Variants in SYTL2 observed in about 807,000 individuals in gnomAD.
The protein encoded by SYTL2 is synaptotagmin like 2, also known as synaptotagmin-like protein 2.
A neutral mutation model predicts 198.7 loss-of-function variants in SYTL2; 165 were observed. That is an observed-to-expected ratio of 0.83 (90% CI 0.73 to 0.94). The LOEUF (loss-of-function observed/expected upper bound fraction) is 0.94. SYTL2 is among the 40% of genes least tolerant of loss of function. SYTL2 has a pLI of 0.00. For missense variants in SYTL2, 2,835 were observed against 2,582.8 expected (o/e 1.10, Z -2.12); for synonymous variants, 966 against 917.7 (o/e 1.05, Z -0.95).
At chr11:85,784,860 G>GA (rs372752941) in intron 1 of SYTL2, among the ~76,000 whole-genome samples, 63 of 150,780 alleles carry the variant, frequency 4.2e-4, no homozygotes, top group Non-Finnish European at 6.5e-4. Flanking sequence ...AAGGGGTAAA[G>GA]AAAAAAAAAT....
chr11:85,851,126 T>C, the SYTL2 span, among the ~76,000 whole-genome samples: 1 of 151,872 alleles, frequency 6.6e-6, no homozygotes, highest in Non-Finnish European at 1.5e-5. Context: ...TGTATACATA[T>C]GTATCTAACC....
At chr11:85,703,873 T>C (rs1330487633) in intron 16 of SYTL2, among the ~76,000 whole-genome samples, 3 of 152,168 alleles carry the variant, frequency 2.0e-5, no homozygotes, top group Non-Finnish European at 4.4e-5. Context: ...TTCTAATTTA[T>C]ATTACAGTTT....
At chr11:85,776,858 G>A (rs142349747) in intron 1 of SYTL2, among the ~76,000 whole-genome samples, 6 of 152,238 alleles carry the variant, frequency 3.9e-5, no homozygotes, top group East Asian at 1.9e-4. Flanking sequence ...ACCCAGCTTC[G>A]GGTATTTCTT....
In SYTL2 at chr11:85,727,985, T is replaced by C. The variant is rs2089404548; in HGVS notation, c.1391-18A>G. The C allele has an allele frequency of 1.9e-6, 3 of 1,547,096 alleles. No individual in the cohort carries two copies. The highest frequency in any genetic ancestry group is 2.6e-6 in the Non-Finnish European group (3 of 1,148,758). The stretch of plus-strand genomic sequence containing the variant: ...CAGTTCATCTGCAACATAGAAATAC[T>C]TTTCTAAATAAGAAAAGAGCATGCT... On this transcript the variant is annotated intron_variant, in intron 7 of 19. Transcript: ENST00000359152.
the SYTL2 span, among the ~76,000 whole-genome samples, chr11:85,851,812 T>C: frequency 6.6e-6 from 1 of 152,238 alleles, no homozygotes; most frequent in Non-Finnish European, 1.5e-5. Flanking sequence ...CTAAAAAATC[T>C]CCATGCTTTA....
Position 85,744,035 on chromosome 11 carries a change from G to C in SYTL2, c.389+1602C>G, listed in dbSNP as rs183836305. On this transcript the variant is annotated intron_variant, in intron 4 of 19. Coordinates refer to ENST00000359152, the MANE Select transcript of SYTL2 (RefSeq NM_206927.4). The stretch of plus-strand genomic sequence containing the variant: ...TTTCTTTAACATGACAATATTTTAG[G>C]TCTCATCTTTCTTTATGAAGGAAGG... 2.6e-5 allele frequency among the ~76,000 whole-genome samples: 4 copies of C among 152,142 alleles called. No homozygotes were observed. The East Asian group carries it at 5.8e-4, about 22-fold the overall frequency.
At chr11:85,833,772 C>A in the SYTL2 span, among the ~76,000 whole-genome samples, 7 of 141,304 alleles carry the variant, frequency 5.0e-5, no homozygotes, top group East Asian at 1.4e-3. Context: ...ACTCCGTCAT[C>A]CAGGCTGTAG....
chr11:85,783,292 A>G (rs1475440515), intron 1 of SYTL2, among the ~76,000 whole-genome samples: 3 of 152,186 alleles, frequency 2.0e-5, no homozygotes, highest in African/African-American at 7.2e-5. Context: ...AAGCCATCAG[A>G]TCTCGTGAGA....
chr11:85,825,149 G>A, the SYTL2 span, among the ~76,000 whole-genome samples: 1 of 152,120 alleles, frequency 6.6e-6, no homozygotes, highest in Non-Finnish European at 1.5e-5. Context: ...CATGAGTTGG[G>A]AGGCCGAGGC....
chr11:85,726,482 A>G lies in SYTL2; in HGVS notation c.2876T>C (p.Phe959Ser). The change falls in exon 8 of 20, where the codon TTT becomes TCT. Residue 959 changes from phenylalanine (F) to serine (S), a missense_variant. Phe to Ser is a radical substitution (Grantham distance 155). Coordinates refer to ENST00000359152, the MANE Select transcript of SYTL2 (RefSeq NM_206927.4). ...TCTTTCTTTTAGGGACATAACTTTA[A>G]AGTTGGCATTTGATTCACGAACTAG... ...RPLVRESNAN[F>S]KVMSLKERMD... 6.2e-7 allele frequency: 1 copy of G among 1,610,830 alleles called. No homozygotes were observed.
At chr11:85,733,601 T>TTTTC (rs1289369462) in intron 7 of SYTL2, 1 of 129,086 alleles carries the variant, frequency 7.7e-6, no homozygotes, top group Non-Finnish European at 1.7e-5. Flanking sequence ...TTTGTTTTTT[T>TTTTC]TTTTTTTTTG....
At chr11:85,704,552 A>T (rs984388110) in intron 16 of SYTL2, among the ~76,000 whole-genome samples, 1 of 152,196 alleles carries the variant, frequency 6.6e-6, no homozygotes, top group Non-Finnish European at 1.5e-5. Flanking sequence ...ATCATTGAAT[A>T]CACTTTGGTC....
At position 85,725,133 on chromosome 11, in the gene SYTL2, T is replaced by A; in HGVS notation, c.4225A>T (p.Ser1409Cys). 4 of 1,614,156 alleles carry A rather than the reference T, an allele frequency of 2.5e-6. No individual in the cohort carries two copies. The highest frequency in any genetic ancestry group is 3.3e-4 in the Middle Eastern group (2 of 6,062). The part of the protein sequence containing the change: ...EFPEAVQPVC[S>C]PLNPPGVISP... Reference sequence around the variant, plus strand: ...ATCACTCCTGGAGGATTTAGGGGGCTACATACTGGCTGTACTGCTTCAGGA... The same window carrying A: ...ATCACTCCTGGAGGATTTAGGGGGCAACATACTGGCTGTACTGCTTCAGGA... The change falls in exon 8 of 20, where the codon AGC becomes TGC. Residue 1409 changes from serine (S) to cysteine (C), a missense_variant. By Grantham distance (112) the Ser-to-Cys change is moderately radical (BLOSUM62 -1). This residue lies in a region of SYTL2 where 2,645 missense variants were observed against 2,381.7 expected (regional missense o/e 1.11). Transcript: ENST00000359152.
intron 1 of SYTL2, among the ~76,000 whole-genome samples, chr11:85,769,509 C>T (rs566674327): frequency 1.3e-5 from 2 of 152,304 alleles, no homozygotes; most frequent in Admixed American, 1.3e-4. Flanking sequence ...TGATTTTAGC[C>T]TGTAAGATCC....
At chr11:85,779,947 T>C (rs936066389) in intron 1 of SYTL2, among the ~76,000 whole-genome samples, 3 of 152,216 alleles carry the variant, frequency 2.0e-5, no homozygotes, top group Admixed American at 1.3e-4. Context: ...TCTTGCTATG[T>C]GATGCTGGGC....
At chr11:85,844,503 C>T in the SYTL2 span, among the ~76,000 whole-genome samples, 1 of 152,160 alleles carries the variant, frequency 6.6e-6, no homozygotes, top group Non-Finnish European at 1.5e-5. Flanking sequence ...GGTAGTGTTA[C>T]TCCACATATT....
the SYTL2 span, among the ~76,000 whole-genome samples, chr11:85,824,290 T>C: frequency 6.6e-6 from 1 of 152,026 alleles, no homozygotes; most frequent in African/African-American, 2.4e-5. Flanking sequence ...CACGGCAAAC[T>C]TGGGTTTGTG....
rs1477024606 is a variant in SYTL2, at chr11:85,795,358, T to C, written c.-390+15596A>G. Reference sequence around the variant, plus strand: ...CTGAACCCTCTCAGCCAGAGCACACTAATGTGAACTGGGGTCTGGGCTGCT... The same window carrying C: ...CTGAACCCTCTCAGCCAGAGCACACCAATGTGAACTGGGGTCTGGGCTGCT... On this transcript the variant is annotated intron_variant, in intron 1 of 19. Transcript: ENST00000359152. 2.0e-5 allele frequency among the ~76,000 whole-genome samples: 3 copies of C among 152,214 alleles called. 1 individual carries two copies. The highest frequency in any genetic ancestry group is 1.3e-4 in the Admixed American group (2 of 15,284).
chr11:85,840,444 GTCAAAAAATA>G, the SYTL2 span, among the ~76,000 whole-genome samples: 1 of 152,088 alleles, frequency 6.6e-6, no homozygotes, highest in African/African-American at 2.4e-5. Flanking sequence ...ACTGGGTATT[GTCAAAAAATA>G]TCAGAGATCT....
Sources: gnomAD v4.1 joint callset for allele counts (sites outside exome capture counted in the v4.1 genomes callset) on GRCh38, gnomAD v4.1.1 for gene constraint, gnomAD v4.1.1 regional missense constraint, MANE v1.5 for transcripts, NCBI Gene and HGNC (gene_info 2026-07-23, HGNC 2026-07-21) for gene names.